EIF2B3: variants seen among roughly 807,000 people sequenced by gnomAD.
EIF2B3 encodes translation initiation factor eIF2B subunit gamma.
Under a neutral mutation model 54.1 loss-of-function variants are expected in EIF2B3, and 20 were observed. The ratio of observed to expected loss-of-function variants is 0.37; its 90% CI spans 0.26 to 0.54. The LOEUF is 0.54. EIF2B3 is among the 20% of genes least tolerant of loss of function. EIF2B3 has a pLI of 0.86. For synonymous variants in EIF2B3, 153 were observed against 188.1 expected (o/e 0.81, Z 1.52); for missense variants, 448 against 547.8 (o/e 0.82, Z 1.82).
chr1:44,892,503 C>A (rs184848629), intron 6 of EIF2B3, among the ~76,000 whole-genome samples: 1,987 of 151,982 alleles, frequency 0.013, 16 homozygotes, highest in Non-Finnish European at 0.021. Context: ...TCACTTAAGC[C>A]CAGGAGGTGG....
chr1:44,982,903 T>C (rs958019492), intron 1 of EIF2B3, among the ~76,000 whole-genome samples: 3 of 151,982 alleles, frequency 2.0e-5, no homozygotes, highest in African/African-American at 4.8e-5. Context: ...GCTGGGATTA[T>C]AGGCATGCAC....
At chr1:44,925,533 T>C (rs963549888) in intron 5 of EIF2B3, among the ~76,000 whole-genome samples, 4 of 152,150 alleles carry the variant, frequency 2.6e-5, no homozygotes, top group African/African-American at 9.7e-5. Flanking sequence ...GAGCTGTTGT[T>C]TGATAGGTAT....
At chr1:44,953,974 A>G (rs1430261441) in intron 3 of EIF2B3, among the ~76,000 whole-genome samples, 1 of 152,184 alleles carries the variant, frequency 6.6e-6, no homozygotes, top group Non-Finnish European at 1.5e-5. Flanking sequence ...AACGCTAAAA[A>G]ATTTTTAAAA....
chr1:44,898,376 A>G (rs1005964550), intron 5 of EIF2B3, among the ~76,000 whole-genome samples: 1 of 152,182 alleles, frequency 6.6e-6, no homozygotes, highest in Non-Finnish European at 1.5e-5. Context: ...CTCCCACTAG[A>G]CTGAAATTCA....
chr1:44,908,360 G>A (rs921510116), intron 5 of EIF2B3, among the ~76,000 whole-genome samples: 4 of 152,286 alleles, frequency 2.6e-5, no homozygotes, highest in Non-Finnish European at 4.4e-5. Flanking sequence ...GAAGAAGCAC[G>A]GTTCTGCCTA....
chr1:44,943,952 C>T (rs1644067908), intron 3 of EIF2B3, among the ~76,000 whole-genome samples: 1 of 151,892 alleles, frequency 6.6e-6, no homozygotes, highest in Non-Finnish European at 1.5e-5. Flanking sequence ...TGAGACCAGC[C>T]TGAGCAACAC....
chr1:44,968,767 T>C (rs423959), intron 3 of EIF2B3, among the ~76,000 whole-genome samples: 28,947 of 151,730 alleles, frequency 0.19, 2,923 homozygotes, highest in African/African-American at 0.23. Context: ...CATGGTGGCG[T>C]GTGCCTGTAA....
At chr1:44,891,424 G>T (rs1655794621) in intron 6 of EIF2B3, among the ~76,000 whole-genome samples, 3 of 152,128 alleles carry the variant, frequency 2.0e-5, no homozygotes, top group Admixed American at 1.3e-4. Context: ...ACCGCACCCA[G>T]CTGACAGAAT....
chr1:44,865,216 TA>T lies in EIF2B3; in HGVS notation c.1203-7410del, dbSNP rs57763807. 1.5e-3 allele frequency among the ~76,000 whole-genome samples: 214 copies of T among 139,716 alleles called. 1 individual carries two copies. The highest frequency in any genetic ancestry group is 1.7e-3 in the Admixed American group (23 of 13,902). 91.7% of individuals were successfully genotyped at this position (139,716 alleles called of 152,430 possible). A position where few individuals can be genotyped will look rare whatever the true frequency, so the allele number is the denominator to read the frequency against. On this transcript the variant is annotated intron_variant, in intron 10 of 11. Coordinates refer to ENST00000360403, the MANE Select transcript of EIF2B3 (RefSeq NM_020365.5). ...TGGGCAACAGAGCGAGACTCCATCT[TA>T]AAAAAAAAAAAAGAAATGTGTGAAG...
intron 3 of EIF2B3, among the ~76,000 whole-genome samples, chr1:44,953,892 TTTC>T (rs563801860): frequency 7.2e-5 from 11 of 152,314 alleles, no homozygotes; most frequent in Admixed American, 2.6e-4. Flanking sequence ...AGCAAAAGGT[TTTC>T]AATTTGCTTG....
chr1:44,876,681 C>T lies in EIF2B3; in HGVS notation c.976-986G>A, dbSNP rs149584608. ...GGAGCCCCTCTGCCCGGCCACGACC[C>T]CCTCTGGGAGGTGTACCCAACAGCT... On this transcript the variant is annotated intron_variant, in intron 8 of 11. Transcript: ENST00000360403. Among the ~76,000 whole-genome samples the T allele has an allele frequency of 6.2e-3, 765 of 124,020 alleles. 15 individuals carry two copies. The highest frequency in any genetic ancestry group is 9.7e-3 in the Admixed American group (111 of 11,444). 81.4% of individuals were successfully genotyped at this position (124,020 alleles called of 152,430 possible).
intron 3 of EIF2B3, among the ~76,000 whole-genome samples, chr1:44,977,592 G>A (rs1644465389): frequency 6.6e-6 from 1 of 151,756 alleles, no homozygotes; most frequent in African/African-American, 2.4e-5. Flanking sequence ...AGCCTCCCCA[G>A]TAGCTAGGAT....
chr1:44,893,007 T>C (rs1356993600), intron 6 of EIF2B3, among the ~76,000 whole-genome samples: 1 of 152,218 alleles, frequency 6.6e-6, no homozygotes, highest in Non-Finnish European at 1.5e-5. Context: ...TCCACTCTGC[T>C]GTCTTGTGCT....
chr1:44,895,725 C>T (rs531839077), intron 6 of EIF2B3, among the ~76,000 whole-genome samples: 1 of 152,074 alleles, frequency 6.6e-6, no homozygotes, highest in Admixed American at 6.6e-5. Context: ...GAAACGGTGG[C>T]ATATATAAAA....
intron 3 of EIF2B3, among the ~76,000 whole-genome samples, chr1:44,976,203 C>T (rs1461304237): frequency 1.3e-5 from 2 of 152,166 alleles, no homozygotes; most frequent in Non-Finnish European, 2.9e-5. Flanking sequence ...CAACACATAT[C>T]TCACAAACGA....
At chr1:44,969,708 A>T (rs544697115) in intron 3 of EIF2B3, among the ~76,000 whole-genome samples, 38 of 152,338 alleles carry the variant, frequency 2.5e-4, no homozygotes, top group African/African-American at 8.4e-4. Context: ...TGACAGATAA[A>T]TGGGCAATGT....
At chr1:44,860,736 G>GA (rs745904870) in intron 10 of EIF2B3, among the ~76,000 whole-genome samples, 3 of 152,128 alleles carry the variant, frequency 2.0e-5, no homozygotes, top group Non-Finnish European at 4.4e-5. Flanking sequence ...CTAACAAGGG[G>GA]ATATTCAGTA....
At chr1:44,873,945 G>A (rs186994200) in intron 10 of EIF2B3, among the ~76,000 whole-genome samples, 181 of 151,988 alleles carry the variant, frequency 1.2e-3, no homozygotes, top group African/African-American at 3.3e-3. Flanking sequence ...CCACTGTGCC[G>A]GGCCAGAAGT....
At chr1:44,956,245 T>C (rs900990288) in intron 3 of EIF2B3, among the ~76,000 whole-genome samples, 31 of 152,190 alleles carry the variant, frequency 2.0e-4, no homozygotes, top group African/African-American at 7.5e-4. Context: ...ACCATCATTC[T>C]TAGCAAACTA....
Sources: allele counts gnomAD v4.1 joint callset (sites outside exome capture counted in the v4.1 genomes callset), GRCh38; gene constraint gnomAD v4.1.1; transcripts MANE v1.5; gene names NCBI Gene and HGNC (gene_info 2026-07-23, HGNC 2026-07-21).